TBCA: variants seen among roughly 807,000 people sequenced by gnomAD.
TBCA encodes the protein tubulin-specific chaperone A.
TBCA carries 6 observed loss-of-function variants against 15.8 expected under a neutral mutation model. The observed-to-expected ratio is 0.38, with a 90% CI of 0.21 to 0.75. TBCA has a LOEUF of 0.75. Among genes scored for constraint, TBCA ranks in the 30% least tolerant of loss-of-function variants. TBCA has a pLI of 0.46. For synonymous variants in TBCA, 32 were observed against 42.3 expected (o/e 0.76, Z 0.94); for missense variants, 90 against 131.2 (o/e 0.69, Z 1.53).
intron 1 of TBCA, among the ~76,000 whole-genome samples, chr5:77,753,404 C>CA (rs1294102164): frequency 6.6e-6 from 1 of 152,170 alleles, no homozygotes; most frequent in Admixed American, 6.5e-5. Context: ...GACATGCAGA[C>CA]AAAAGCAGAT....
intron 1 of TBCA, among the ~76,000 whole-genome samples, chr5:77,745,560 C>T (rs1747167201): frequency 6.6e-6 from 1 of 152,166 alleles, no homozygotes; most frequent in South Asian, 2.1e-4. Flanking sequence ...GAATGTTAAG[C>T]TAGGGTGTAT....
chr5:77,753,383 C>T (rs1201916482), intron 1 of TBCA, among the ~76,000 whole-genome samples: 1 of 152,210 alleles, frequency 6.6e-6, no homozygotes, highest in African/African-American at 2.4e-5. Context: ...GACACATATA[C>T]AGATATAAGA....
intron 1 of TBCA, among the ~76,000 whole-genome samples, chr5:77,775,564 C>G (rs1748001136): frequency 6.6e-6 from 1 of 152,218 alleles, no homozygotes; most frequent in Non-Finnish European, 1.5e-5. Flanking sequence ...TCAGATACTT[C>G]TGGTTCACAA....
intron 3 of TBCA, chr5:77,692,979 A>C: frequency 1.5e-6 from 2 of 1,347,256 alleles, no homozygotes; most frequent in African/African-American, 1.5e-5. Context: ...AAAACCAAAT[A>C]ATCAAGACAT....
chr5:77,739,423 T>A (rs1456345902), intron 1 of TBCA, among the ~76,000 whole-genome samples: 2 of 152,168 alleles, frequency 1.3e-5, no homozygotes, highest in Admixed American at 1.3e-4. Context: ...ATCGCACCAC[T>A]GCACTCTAAA....
intron 2 of TBCA, among the ~76,000 whole-genome samples, chr5:77,703,770 T>C (rs892514167): frequency 2.0e-5 from 3 of 152,102 alleles, no homozygotes; most frequent in Non-Finnish European, 4.4e-5. Flanking sequence ...TAAAATTTTT[T>C]TATTTTTTGT....
At chr5:77,724,905 C>CT (rs1360894391) in intron 1 of TBCA, among the ~76,000 whole-genome samples, 1 of 152,118 alleles carries the variant, frequency 6.6e-6, no homozygotes, top group Admixed American at 6.5e-5. Context: ...CTGATTTACT[C>CT]TAAGAAATGT....
chr5:77,732,657 T>C (rs992698324), intron 1 of TBCA, among the ~76,000 whole-genome samples: 2 of 152,134 alleles, frequency 1.3e-5, no homozygotes, highest in African/African-American at 4.8e-5. Flanking sequence ...TCTGTGTCTC[T>C]TACATTTTGA....
chr5:77,764,549 T>C (rs552206936), intron 1 of TBCA, among the ~76,000 whole-genome samples: 2 of 152,216 alleles, frequency 1.3e-5, no homozygotes, highest in African/African-American at 2.4e-5. Flanking sequence ...CTTTAAAAAG[T>C]TTATAGCAAT....
chr5:77,720,148 A>G (rs1017149554), intron 1 of TBCA, among the ~76,000 whole-genome samples: 1 of 152,136 alleles, frequency 6.6e-6, no homozygotes, highest in Non-Finnish European at 1.5e-5. Context: ...AGCTGTCAAC[A>G]TAGTAATCAT....
intron 1 of TBCA, among the ~76,000 whole-genome samples, chr5:77,762,348 T>G (rs1163850319): frequency 6.6e-6 from 1 of 152,194 alleles, no homozygotes; most frequent in Non-Finnish European, 1.5e-5. Flanking sequence ...TTTAAAAAGA[T>G]TAATACGTAG....
intron 2 of TBCA, among the ~76,000 whole-genome samples, chr5:77,707,840 G>C (rs1171833444): frequency 6.6e-6 from 1 of 152,242 alleles, no homozygotes; most frequent in Non-Finnish European, 1.5e-5. Flanking sequence ...ACAGATACTA[G>C]AGCCAGAATG....
At chr5:77,732,682 C>T (rs544721235) in intron 1 of TBCA, among the ~76,000 whole-genome samples, 1 of 151,644 alleles carries the variant, frequency 6.6e-6, no homozygotes, top group East Asian at 1.9e-4. Context: ...TCTTGCAATA[C>T]TTCAACCTTG....
At chr5:77,756,894 T>G (rs935198654) in intron 1 of TBCA, among the ~76,000 whole-genome samples, 5 of 151,150 alleles carry the variant, frequency 3.3e-5, no homozygotes, top group Non-Finnish European at 7.4e-5. Context: ...TTGTTGTGAG[T>G]TCTTTAAGAG....
At chr5:77,707,449 G>T (rs1051546347) in intron 2 of TBCA, among the ~76,000 whole-genome samples, 9 of 152,140 alleles carry the variant, frequency 5.9e-5, no homozygotes, top group Non-Finnish European at 7.4e-5. Flanking sequence ...GGAGAGGGTA[G>T]GTAAGGCCAG....
chr5:77,714,459 G>A (rs559439492), intron 1 of TBCA, among the ~76,000 whole-genome samples: 1 of 151,682 alleles, frequency 6.6e-6, no homozygotes, highest in South Asian at 2.1e-4. Flanking sequence ...AGAAGATGGT[G>A]CAATCCCTTC....
intron 2 of TBCA, among the ~76,000 whole-genome samples, chr5:77,704,567 ATTT>A (rs1746099832): frequency 6.6e-6 from 1 of 152,158 alleles, no homozygotes; most frequent in Non-Finnish European, 1.5e-5. Flanking sequence ...CTGTCTTGAT[ATTT>A]TCTATGAAAG....
intron 1 of TBCA, among the ~76,000 whole-genome samples, chr5:77,775,252 T>C (rs1433742485): frequency 6.6e-6 from 1 of 152,232 alleles, no homozygotes; most frequent in African/African-American, 2.4e-5. Context: ...CATAAGTGAC[T>C]ATTCTTCTAT....
chr5:77,744,347 T>C (rs535387619), intron 1 of TBCA, among the ~76,000 whole-genome samples: 86 of 152,034 alleles, frequency 5.7e-4, no homozygotes, highest in South Asian at 4.4e-3. Context: ...TGCTGCTAAA[T>C]ACCCCAATGT....
Sources: gnomAD v4.1 joint callset for allele counts (sites outside exome capture counted in the v4.1 genomes callset) on GRCh38, gnomAD v4.1.1 for gene constraint, MANE v1.5 for transcripts, NCBI Gene and HGNC (gene_info 2026-07-23, HGNC 2026-07-21) for gene names.